Variants in SRL observed in about 807,000 individuals in gnomAD.
The protein encoded by SRL is sarcalumenin.
A neutral mutation model predicts 39.5 loss-of-function variants in SRL; 23 were observed. The ratio of observed to expected loss-of-function variants is 0.58; its 90% CI spans 0.42 to 0.82. The LOEUF (loss-of-function observed/expected upper bound fraction) is 0.82. SRL is among the 40% of genes least tolerant of loss of function. The pLI is 0.00. For missense variants in SRL, 592 were observed against 607.8 expected, an observed-to-expected ratio of 0.97 and a Z score of 0.27; for synonymous variants, 272 against 237.4, an observed-to-expected ratio of 1.15 and a Z score of -1.34.
At chr16:4,203,683 G>A (rs1327302878) in intron 2 of SRL, among the ~76,000 whole-genome samples, 1 of 149,382 alleles carries the variant, frequency 6.7e-6, no homozygotes, top group African/African-American at 2.6e-5. Context: ...CACTGTGCCC[G>A]GCCTGAGCTG....
intron 1 of SRL, among the ~76,000 whole-genome samples, chr16:4,218,602 C>A (rs1487214140): frequency 1.3e-5 from 2 of 152,204 alleles, no homozygotes; most frequent in Non-Finnish European, 2.9e-5. Flanking sequence ...TTTGAAGAGC[C>A]TCACACACAG....
chr16:4,223,380 CT>C (rs75100139), intron 1 of SRL, among the ~76,000 whole-genome samples: 10,906 of 142,702 alleles, frequency 0.076, 770 homozygotes, highest in African/African-American at 0.19. Context: ...AGGAATCCAC[CT>C]TTTTTTTATT....
chr16:4,195,854 T>A lies in SRL; in HGVS notation c.377-68A>T, dbSNP rs890793349. ...TGAAACAGATCTACTGAGAAGCATG[T>A]GTATATGCCTGGTGTCACAGGGAGA... On this transcript the variant is annotated intron_variant, in intron 4 of 5. Coordinates refer to ENST00000399609, the MANE Select transcript of SRL (RefSeq NM_001098814.2). 4 of 1,325,384 alleles carry A rather than the reference T, an allele frequency of 3.0e-6. No homozygotes were observed. The African/African-American group carries it at 5.9e-5, about 19-fold the overall frequency. The allele number at this position is 1,325,384 out of a possible 1,614,324, so 82.1% of individuals were successfully genotyped here.
At position 4,226,343 on chromosome 16, in the gene SRL, C is replaced by G. The variant is rs1991067; in HGVS notation, c.61+15664G>C. 9.4e-3 allele frequency among the ~76,000 whole-genome samples: 1,428 copies of G among 151,822 alleles called. 25 individuals are homozygous for G. Among genetic ancestry groups the G allele is most frequent in the African/African-American group, 0.033 (1,359 of 41,362 alleles). On this transcript the variant is annotated intron_variant, in intron 1 of 5. Coordinates refer to ENST00000399609, the MANE Select transcript of SRL (RefSeq NM_001098814.2). ...ATGGAAGGATGGATGGATGAACAGACGAATGGATGGATGGGTAGATGGATG... is the reference window on the plus strand; with the variant it reads ...ATGGAAGGATGGATGGATGAACAGAGGAATGGATGGATGGGTAGATGGATG...
At chr16:4,204,460 G>C (rs2052288356) in intron 2 of SRL, 73 bp downstream of exon 2, 14 of 1,397,822 alleles carry the variant, frequency 1.0e-5, no homozygotes, top group Non-Finnish European at 1.4e-5. Context: ...GCTCTCAGGA[G>C]CCTCCAGGAG....
intron 1 of SRL, among the ~76,000 whole-genome samples, chr16:4,236,680 G>A (rs2052717456): frequency 6.6e-6 from 1 of 151,800 alleles, no homozygotes; most frequent in African/African-American, 2.4e-5. Context: ...GTCTTGCTCT[G>A]GTGCCCAGAC....
rs139237441 is a variant in SRL at position 4,206,882 on chromosome 16, T to A, written c.62-2248A>T. On this transcript the variant is annotated intron_variant, in intron 1 of 5. Transcript: ENST00000399609. ...CCCTGTGACTTGTGGTTCCTGTGGC[T>A]TCCGGAAGCTCTGCACCTTCCTGGG... The A allele has an allele frequency of 1.1e-3, 519 of 456,732 alleles. 4 individuals carry two copies. The highest frequency in any genetic ancestry group is 9.2e-3 in the African/African-American group (460 of 50,204). 28.3% of individuals were successfully genotyped at this position (456,732 alleles called of 1,614,324 possible).
rs138455536 is a variant in SRL, at chr16:4,203,324, T to C, written c.164-63A>G. 3,363 of 1,401,356 alleles carry C rather than the reference T, an allele frequency of 2.4e-3. 7 individuals are homozygous for C. Among genetic ancestry groups the C allele is most frequent in the Middle Eastern group, 5.2e-3 (25 of 4,848 alleles). 86.8% of individuals were successfully genotyped at this position (1,401,356 alleles called of 1,614,324 possible). A position where few individuals can be genotyped will look rare whatever the true frequency, so the allele number is the denominator to read the frequency against. ...GGTGCGATCCAGGCAGCTCCTCCAT[T>C]GTGGAGGGGCCTCACCACCCAGGGC... On this transcript the variant is annotated intron_variant, in intron 2 of 5. Transcript: ENST00000399609.
chr16:4,227,788 T>C (rs1270855227), intron 1 of SRL, among the ~76,000 whole-genome samples: 2 of 152,194 alleles, frequency 1.3e-5, no homozygotes, highest in African/African-American at 4.8e-5. Context: ...CCAGAGGAGC[T>C]GCTTTCCACA....
At chr16:4,229,202 G>A (rs1215900360) in intron 1 of SRL, among the ~76,000 whole-genome samples, 1 of 152,098 alleles carries the variant, frequency 6.6e-6, no homozygotes, top group Non-Finnish European at 1.5e-5. Context: ...CCAGCACTTT[G>A]GGAAGCCGAG....
chr16:4,224,453 C>T (rs775617524), intron 1 of SRL, among the ~76,000 whole-genome samples: 5 of 152,044 alleles, frequency 3.3e-5, no homozygotes, highest in Non-Finnish European at 7.4e-5. Flanking sequence ...TGCCTGTAAT[C>T]CCAGCACTTT....
intron 1 of SRL, among the ~76,000 whole-genome samples, chr16:4,213,354 A>G (rs139086046): frequency 5.5e-4 from 78 of 141,004 alleles, no homozygotes; most frequent in East Asian, 3.3e-3. Flanking sequence ...ATTTTCTCCA[A>G]CGTCCCAAGA....
chr16:4,230,330 C>T (rs2052645218), intron 1 of SRL, among the ~76,000 whole-genome samples: 1 of 151,992 alleles, frequency 6.6e-6, no homozygotes, highest in African/African-American at 2.4e-5. Context: ...GAAAGCCCCC[C>T]AAAATTAGTG....
At chr16:4,240,123 T>A (rs2052756969) in intron 1 of SRL, among the ~76,000 whole-genome samples, 1 of 151,890 alleles carries the variant, frequency 6.6e-6, no homozygotes, top group Admixed American at 6.6e-5. Flanking sequence ...CTCTGTGGGG[T>A]CCCTGGCCTA....
At position 4,240,978 on chromosome 16, in the gene SRL, T is replaced by C. The variant is rs1031922763; in HGVS notation, c.61+1029A>G. Among the ~76,000 whole-genome samples, 3 of 152,032 alleles carry C rather than the reference T, an allele frequency of 2.0e-5. No individual in the cohort carries two copies. The South Asian group carries it at 6.2e-4, about 32-fold the overall frequency. On this transcript the variant is annotated intron_variant, in intron 1 of 5. Coordinates refer to ENST00000399609, the MANE Select transcript of SRL (RefSeq NM_001098814.2). Reference sequence around the variant, plus strand: ...CCTTACATCTTGAGTCCCCGAGAAATAGCTTTTGTTCCCACCCACTGCCTG... The same window carrying C: ...CCTTACATCTTGAGTCCCCGAGAAACAGCTTTTGTTCCCACCCACTGCCTG...
chr16:4,215,904 C>T (rs956629672), intron 1 of SRL, among the ~76,000 whole-genome samples: 2 of 152,120 alleles, frequency 1.3e-5, no homozygotes, highest in African/African-American at 2.4e-5. Context: ...GGCATGGTAG[C>T]GTGCGCCTGT....
chr16:4,226,502 G>A (rs1346309411), intron 1 of SRL, among the ~76,000 whole-genome samples: 16 of 151,912 alleles, frequency 1.1e-4, no homozygotes. Flanking sequence ...TGGGTGAGTG[G>A]AAGGATGGAT....
At chr16:4,205,551 C>G (rs1365429593) in intron 1 of SRL, among the ~76,000 whole-genome samples, 1 of 135,756 alleles carries the variant, frequency 7.4e-6, no homozygotes, top group Non-Finnish European at 1.6e-5. Flanking sequence ...TCAGAGAAGG[C>G]CTCCCCAGGT....
intron 1 of SRL, among the ~76,000 whole-genome samples, chr16:4,205,424 T>C (rs1411292872): frequency 6.6e-6 from 1 of 151,478 alleles, no homozygotes; most frequent in Non-Finnish European, 1.5e-5. Flanking sequence ...TCAAAAACAA[T>C]AAAAATAATT....
Sources: allele counts gnomAD v4.1 joint callset (sites outside exome capture counted in the v4.1 genomes callset), GRCh38; gene constraint gnomAD v4.1.1; transcripts MANE v1.5; gene names NCBI Gene and HGNC (gene_info 2026-07-23, HGNC 2026-07-21).